Variants in ZNF564 observed in about 807,000 individuals in gnomAD.
The protein encoded by ZNF564 is zinc finger protein 564.
In ZNF564, 5 loss-of-function variants were observed where a neutral mutation model predicts 10.5. That is an observed-to-expected ratio of 0.48 (90% CI 0.25 to 1.00). ZNF564 has a LOEUF of 1.00. Ranked by LOEUF, ZNF564 falls within the 50% of genes least tolerant of loss-of-function variation. The pLI is 0.16. For missense variants in ZNF564, 603 were observed against 669.7 expected (o/e 0.90, Z 1.10); for synonymous variants, 242 against 218.1 (o/e 1.11, Z -0.97).
Position 12,527,229 on chromosome 19 carries a change from G to C in ZNF564, c.879C>G (p.Phe293Leu). 2 of 1,613,922 alleles carry C rather than the reference G, an allele frequency of 1.2e-6. No homozygotes were observed. The highest frequency in any genetic ancestry group is 1.7e-6 in the Non-Finnish European group (2 of 1,179,986). Residue 293 changes from phenylalanine (F) to leucine (L), a missense_variant, in exon 4 of 4, where the codon TTC becomes TTG. Phe to Leu is a conservative substitution (Grantham distance 22). Transcript: ENST00000339282. ...TAATCATATGACTTTGAAAATTTGT[G>C]AAAGAAATGAAGGCCTTCCCACACT... ...CKQCGKAFIS[F>L]TNFQSHMIRH... is the part of the protein sequence containing the mutation.
rs1373642551 is a variant in ZNF564, at chr19:12,550,908, T to C, written c.3+422A>G. Among the ~76,000 whole-genome samples the C allele has an allele frequency of 2.6e-5, 4 of 152,132 alleles. No homozygotes were observed. The East Asian group carries it at 5.8e-4, about 22-fold the overall frequency. The stretch of plus-strand genomic sequence containing the variant: ...GTTTGAGATTCTTTTTCCAGTACGT[T>C]TGGAAGACTCGGAGGAAGACCAGTC... On this transcript the variant is annotated intron_variant, in intron 1 of 3. Transcript: ENST00000339282.
chr19:12,551,390 G>T lies in ZNF564; in HGVS notation c.-58C>A. ...CTACGGCTCTCTCCGGCCTGTGCAGGTCCCAGCGCGCCAGACGCTGCGGTG... is the reference window on the plus strand; with the variant it reads ...CTACGGCTCTCTCCGGCCTGTGCAGTTCCCAGCGCGCCAGACGCTGCGGTG... On this transcript the variant is annotated 5_prime_UTR_variant, in exon 1 of 4. Transcript: ENST00000339282. The T allele has an allele frequency of 3.3e-6, 5 of 1,524,578 alleles. No homozygotes were observed. In the African/African-American group the frequency reaches 4.2e-5, roughly 13 times the overall value. The allele number at this position is 1,524,578 out of a possible 1,614,324, so 94.4% of individuals were successfully genotyped here. A position where few individuals can be genotyped will look rare whatever the true frequency, so the allele number is the denominator to read the frequency against.
chr19:12,546,376 T>C (rs2022153023), intron 1 of ZNF564, among the ~76,000 whole-genome samples: 2 of 152,180 alleles, frequency 1.3e-5, no homozygotes, highest in Non-Finnish European at 2.9e-5. Flanking sequence ...AGAAGCAGCA[T>C]ACTGCGGGGG....
At chr19:12,529,507 G>A (rs968684284) in intron 1 of ZNF564, among the ~76,000 whole-genome samples, 2 of 151,928 alleles carry the variant, frequency 1.3e-5, no homozygotes, top group Non-Finnish European at 2.9e-5. Context: ...TCGGGGGGCT[G>A]AAGCAGGAGA....
At chr19:12,538,636 T>C (rs1019219682) in intron 1 of ZNF564, among the ~76,000 whole-genome samples, 1 of 150,776 alleles carries the variant, frequency 6.6e-6, no homozygotes, top group African/African-American at 2.4e-5. Context: ...AAAAAATAAA[T>C]AAATAAAAAA....
At chr19:12,540,853 CA>C (rs987853868) in intron 1 of ZNF564, among the ~76,000 whole-genome samples, 4 of 147,070 alleles carry the variant, frequency 2.7e-5, no homozygotes, top group Non-Finnish European at 4.5e-5. Flanking sequence ...GACTCCGTCT[CA>C]AAAAAAAATC....
chr19:12,548,252 C>T (rs1435014699), intron 1 of ZNF564: 49 of 911,984 alleles, frequency 5.4e-5, no homozygotes, highest in Non-Finnish European at 5.8e-5. Context: ...GAGTCTAGCT[C>T]TGTCGCCCAG....
At chr19:12,538,070 T>G (rs569192929) in intron 1 of ZNF564, among the ~76,000 whole-genome samples, 2 of 152,232 alleles carry the variant, frequency 1.3e-5, no homozygotes, top group African/African-American at 4.8e-5. Context: ...TAAGTCTCAA[T>G]AGATTTTTTT....
At chr19:12,549,652 AG>A (rs2022215947) in intron 1 of ZNF564, among the ~76,000 whole-genome samples, 1 of 152,212 alleles carries the variant, frequency 6.6e-6, no homozygotes, top group African/African-American at 2.4e-5. Context: ...ACTGGGGTTG[AG>A]GAAGAAAAGC....
At position 12,526,790 on chromosome 19, in the gene ZNF564, T is replaced by C. The variant is rs770108617; in HGVS notation, c.1318A>G (p.Met440Val). 1.2e-6 allele frequency: 2 copies of C among 1,613,946 alleles called. No individual in the cohort carries two copies. Among genetic ancestry groups the C allele is most frequent in the East Asian group, 4.5e-5 (2 of 44,890 alleles). Residue 440 changes from methionine to valine, a missense_variant, in exon 4 of 4, where the codon ATG becomes GTG. Met to Val is a conservative substitution (Grantham distance 21). Coordinates refer to ENST00000339282, the MANE Select transcript of ZNF564 (RefSeq NM_144976.4). ...FISLKRIRKH[M>V]ILHTGDGPYK... ...GGTCCATCTCCAGTGTGCAGTATCA[T>C]ATGTTTTCTAATCCTTTTAAGAGAA...
chr19:12,542,176 G>A (rs528417348), intron 1 of ZNF564, among the ~76,000 whole-genome samples: 1 of 151,684 alleles, frequency 6.6e-6, no homozygotes. Flanking sequence ...GGGTATGGTG[G>A]TGGGCGCCTG....
At chr19:12,550,476 A>G in intron 1 of ZNF564, 2 of 268,542 alleles carry the variant, frequency 7.4e-6, no homozygotes, top group South Asian at 2.7e-5. Flanking sequence ...GCCAACATGG[A>G]GAAACCCAGT....
chr19:12,542,893 T>G (rs893938804), intron 1 of ZNF564, among the ~76,000 whole-genome samples: 9 of 152,094 alleles, frequency 5.9e-5, no homozygotes, highest in Admixed American at 5.9e-4. Flanking sequence ...TCCCAGCTAC[T>G]TGGGAGGCTG....
intron 2 of ZNF564, 30 bp downstream of exon 2, chr19:12,528,536 AACTG>A: frequency 6.2e-7 from 1 of 1,607,864 alleles, no homozygotes; most frequent in Admixed American, 1.7e-5. Flanking sequence ...CTTCTTCTCT[AACTG>A]ACTAAAAGAA....
chr19:12,545,482 T>C (rs1231775718), intron 1 of ZNF564, among the ~76,000 whole-genome samples: 3 of 152,000 alleles, frequency 2.0e-5, no homozygotes, highest in African/African-American at 7.2e-5. Context: ...AACAGTTCAG[T>C]TCTGACACCA....
intron 1 of ZNF564, among the ~76,000 whole-genome samples, chr19:12,531,822 A>G (rs1243261724): frequency 6.6e-6 from 1 of 152,208 alleles, no homozygotes; most frequent in African/African-American, 2.4e-5. Flanking sequence ...ATATTAATAC[A>G]ACTGTATCAA....
chr19:12,549,752 C>T (rs1381584539), intron 1 of ZNF564, among the ~76,000 whole-genome samples: 1 of 150,918 alleles, frequency 6.6e-6, no homozygotes, highest in Admixed American at 6.5e-5. Context: ...CCGTGAGAGG[C>T]CCCACCCCTA....
At position 12,551,356 on chromosome 19, in the gene ZNF564, G is replaced by C; in HGVS notation, c.-24C>G. The C allele has an allele frequency of 1.2e-6, 2 of 1,601,774 alleles. No homozygotes were observed. The highest frequency in any genetic ancestry group is 1.7e-6 in the Non-Finnish European group (2 of 1,174,548). The stretch of plus-strand genomic sequence containing the variant: ...ATTTCCTGGCTTCCAGGGTGTCCCG[G>C]GGTCCTGCCTACGGCTCTCTCCGGC... On this transcript the variant is annotated 5_prime_UTR_variant, in exon 1 of 4. Transcript: ENST00000339282.
At position 12,526,547 on chromosome 19, in the gene ZNF564, G is replaced by C; in HGVS notation, c.1561C>G (p.Gln521Glu). The change falls in exon 4 of 4, where the codon CAA becomes GAA. Residue 521 changes from glutamine to glutamate, a missense_variant. Gln to Glu is a conservative substitution (Grantham distance 29). Coordinates refer to ENST00000339282, the MANE Select transcript of ZNF564 (RefSeq NM_144976.4). ...CCATTATGAGCTCTTTCATGTCTTT[G>C]AAAGGAACTGGAATAACTGAACGTT... ...GKTFSYSSSF[Q>E]RHERAHNGDK... The C allele has an allele frequency of 1.2e-6, 2 of 1,614,008 alleles. No homozygotes were observed. The highest frequency in any genetic ancestry group is 2.2e-5 in the South Asian group (2 of 91,056).
Sources: gnomAD v4.1 joint callset for allele counts (sites outside exome capture counted in the v4.1 genomes callset) on GRCh38, gnomAD v4.1.1 for gene constraint, MANE v1.5 for transcripts, NCBI Gene and HGNC (gene_info 2026-07-23, HGNC 2026-07-21) for gene names.